AMN1: variants seen among roughly 807,000 people sequenced by gnomAD.
AMN1 encodes the protein protein AMN1 homolog.
A neutral mutation model predicts 33.0 loss-of-function variants in AMN1; 20 were observed. The ratio of observed to expected loss-of-function variants is 0.61; its 90% confidence interval spans 0.43 to 0.88. AMN1 has a LOEUF of 0.88. Ranked by LOEUF, AMN1 falls within the 40% of genes least tolerant of loss-of-function variation. AMN1 has a pLI of 0.00. For synonymous variants in AMN1, 114 were observed against 111.9 expected, an observed-to-expected ratio of 1.02 and a Z score of -0.12; for missense variants, 246 against 307.4, an observed-to-expected ratio of 0.80 and a Z score of 1.49.
chr12:31,716,096 AT>A (rs1256009954), intron 1 of AMN1, among the ~76,000 whole-genome samples: 1 of 152,018 alleles, frequency 6.6e-6, no homozygotes, highest in Non-Finnish European at 1.5e-5. Flanking sequence ...TGATTTCAGT[AT>A]TGCTCCATCA....
chr12:31,705,502 CAACA>C (rs1342894015), intron 2 of AMN1, among the ~76,000 whole-genome samples: 6 of 151,414 alleles, frequency 4.0e-5, no homozygotes, highest in Admixed American at 1.3e-4. Context: ...AAAAAAAAAA[CAACA>C]AACAAGCAAA....
intron 2 of AMN1, among the ~76,000 whole-genome samples, chr12:31,706,605 T>A (rs1055776521): frequency 9.2e-5 from 14 of 152,232 alleles, no homozygotes; most frequent in Non-Finnish European, 1.8e-4. Flanking sequence ...AAGGAAATTA[T>A]CTACTCTGCT....
At chr12:31,706,132 G>T (rs888462739) in intron 2 of AMN1, among the ~76,000 whole-genome samples, 1 of 151,940 alleles carries the variant, frequency 6.6e-6, no homozygotes, top group Non-Finnish European at 1.5e-5. Context: ...CTAACATGGT[G>T]AAACCCCGTC....
rs1672517966 is a variant in AMN1, at chr12:31,683,736, C to A, written c.703+5271G>T. Among the ~76,000 whole-genome samples the A allele has an allele frequency of 6.6e-6, 1 of 152,158 alleles. No individual in the cohort carries two copies. Among genetic ancestry groups the A allele is most frequent in the South Asian group, 2.1e-4 (1 of 4,830 alleles). ...ACGTGGAACTGTGAGTCCATTAAAC[C>A]TCTTTTTCTTTATAAGTTACCCAGT... On this transcript the variant is annotated intron_variant, in intron 6 of 6. Coordinates refer to ENST00000281471, the MANE Select transcript of AMN1 (RefSeq NM_001113402.2). This position sits in a 1 kb window ranked among gnomAD's most constrained non-coding sequence, Gnocchi z 4.1.
intron 1 of AMN1, among the ~76,000 whole-genome samples, chr12:31,722,161 AC>A (rs1939901844): frequency 6.6e-6 from 1 of 151,344 alleles, no homozygotes; most frequent in Non-Finnish European, 1.5e-5. Flanking sequence ...ACACACACAC[AC>A]ACACACACAC....
upstream of AMN1, chr12:31,729,118 C>G (rs1297975909): frequency 3.9e-6 from 5 of 1,269,466 alleles, no homozygotes; most frequent in Non-Finnish European, 5.3e-6. Context: ...TGTGACGTCA[C>G]ACGGATTTTT....
chr12:31,697,875 G>A lies in AMN1; in HGVS notation c.399C>T (p.Val133=), dbSNP rs375739693. 1.5e-5 allele frequency: 24 copies of A among 1,613,866 alleles called. No individual in the cohort carries two copies. Among genetic ancestry groups the A allele is most frequent in the Non-Finnish European group, 1.8e-5 (21 of 1,179,886 alleles). ...KRCCNLTDEG[V]VALALNCQLL... ...GCTGGCAATTGAGTGCAAGAGCAAC[G>A]ACTCCTTCGTCAGTGAGATTGCAGC... The change falls in exon 4 of 7, where the codon GTC becomes GTT. Residue 133 remains valine (V), a synonymous_variant. Coordinates refer to ENST00000281471, the MANE Select transcript of AMN1 (RefSeq NM_001113402.2).
At chr12:31,691,717 A>C (rs1938507501) in intron 5 of AMN1, among the ~76,000 whole-genome samples, 1 of 152,154 alleles carries the variant, frequency 6.6e-6, no homozygotes, top group African/African-American at 2.4e-5. Flanking sequence ...AAAAGTATCC[A>C]TTTCTGTCTG....
At chr12:31,697,327 A>G in intron 5 of AMN1, 34 bp downstream of exon 5, 4 of 1,568,240 alleles carry the variant, frequency 2.6e-6, no homozygotes, top group Non-Finnish European at 3.5e-6. Flanking sequence ...TAAAAATTTA[A>G]TCACCACCAT....
chr12:31,699,486 T>G (rs1938895010), intron 3 of AMN1, among the ~76,000 whole-genome samples: 1 of 151,146 alleles, frequency 6.6e-6, no homozygotes, highest in South Asian at 2.1e-4. Flanking sequence ...CAAGAAGACT[T>G]GATGAGCTTC....
chr12:31,689,355 G>T (rs1938404307), intron 5 of AMN1, among the ~76,000 whole-genome samples: 1 of 152,142 alleles, frequency 6.6e-6, no homozygotes, highest in Non-Finnish European at 1.5e-5. Flanking sequence ...AGATGAGTAT[G>T]CCCCAGAACT....
At chr12:31,723,658 T>C (rs1169380230) in intron 1 of AMN1, among the ~76,000 whole-genome samples, 1 of 152,196 alleles carries the variant, frequency 6.6e-6, no homozygotes, top group African/African-American at 2.4e-5. Context: ...ATTCAACAGA[T>C]GTTTCACACC....
intron 6 of AMN1, among the ~76,000 whole-genome samples, chr12:31,677,945 T>G (rs555904449): frequency 1.3e-5 from 2 of 152,104 alleles, no homozygotes; most frequent in East Asian, 1.9e-4. Flanking sequence ...CATTCCAGAG[T>G]GGCCCCGCCC....
At chr12:31,710,551 TACAC>T (rs112841301) in intron 1 of AMN1, among the ~76,000 whole-genome samples, 4,722 of 147,370 alleles carry the variant, frequency 0.032, 143 homozygotes, top group African/African-American at 0.081. Flanking sequence ...TCTGTTCTTG[TACAC>T]ACACACACAC....
intron 1 of AMN1, among the ~76,000 whole-genome samples, chr12:31,725,906 C>T (rs1362950898): frequency 6.6e-6 from 1 of 152,058 alleles, no homozygotes; most frequent in Non-Finnish European, 1.5e-5. Flanking sequence ...ACCATGTTGG[C>T]TAGGCTGGTC....
At chr12:31,682,830 C>A (rs1040835171) in intron 6 of AMN1, among the ~76,000 whole-genome samples, 2 of 152,126 alleles carry the variant, frequency 1.3e-5, no homozygotes, top group Non-Finnish European at 2.9e-5. Flanking sequence ...CCAGCATTTA[C>A]CAACTGTGAT....
chr12:31,698,314 A>G (rs1041967808), intron 3 of AMN1, among the ~76,000 whole-genome samples: 1 of 152,268 alleles, frequency 6.6e-6, no homozygotes, highest in East Asian at 1.9e-4. Context: ...TAATCAAATT[A>G]CTTTTCTAGT....
At chr12:31,709,106 C>T (rs750589644) in intron 2 of AMN1, 187 bp downstream of exon 2, 26 of 669,030 alleles carry the variant, frequency 3.9e-5, no homozygotes, top group South Asian at 1.4e-4. Context: ...GTCCAGGCAG[C>T]GGAGGTTGCA....
intron 2 of AMN1, among the ~76,000 whole-genome samples, chr12:31,702,984 G>A (rs1192419536): frequency 2.6e-5 from 4 of 152,176 alleles, no homozygotes; most frequent in African/African-American, 4.8e-5. Context: ...TGATCTGCCC[G>A]CCTTGGCCTC....
Sources: gnomAD v4.1 joint callset for allele counts (sites outside exome capture counted in the v4.1 genomes callset) on GRCh38, gnomAD v4.1.1 for gene constraint, Gnocchi (gnomAD v3.1) non-coding constraint, MANE v1.5 for transcripts, NCBI Gene and HGNC (gene_info 2026-07-23, HGNC 2026-07-21) for gene names.